The following UBXN2B variants were observed in gnomAD, a reference collection of about 807,000 sequenced individuals.
The protein encoded by UBXN2B is UBX domain-containing protein 2B.
UBXN2B carries 19 observed loss-of-function variants against 37.5 expected under a neutral mutation model. That is an observed-to-expected ratio of 0.51 (90% CI 0.35 to 0.74). The LOEUF is 0.74. Among genes scored for constraint, UBXN2B ranks in the 30% least tolerant of loss-of-function variants. UBXN2B has a pLI of 0.01. For missense variants in UBXN2B, 370 were observed against 393.2 expected (o/e 0.94, Z 0.50); for synonymous variants, 145 against 143.8 (o/e 1.01, Z -0.06).
rs774857176 is a variant in UBXN2B at position 58,430,637 on chromosome 8, G to A, written c.307G>A (p.Ala103Thr). ...ACATGGGGCTGTCCCTCTGAATGAA[G>A]CCACAAGAGCTTCAGGTGATGATAA... ...REHGAVPLNEATRASGDDKSK... is the reference protein window; with the variant it reads ...REHGAVPLNETTRASGDDKSK... Residue 103 changes from alanine to threonine, a missense_variant, in exon 3 of 8, where the codon GCC becomes ACC. Physicochemically the swap from Ala to Thr is moderately conservative, Grantham distance 58 (BLOSUM62 0). Coordinates refer to ENST00000399598, the MANE Select transcript of UBXN2B (RefSeq NM_001077619.2). 7.6e-6 allele frequency: 12 copies of A among 1,587,232 alleles called. No individual in the cohort carries two copies. Among genetic ancestry groups the A allele is most frequent in the Non-Finnish European group, 1.0e-5 (12 of 1,165,940 alleles).
At chr8:58,446,779 A>ATTT (rs869090698) in intron 7 of UBXN2B, among the ~76,000 whole-genome samples, 309 of 17,396 alleles carry the variant, frequency 0.018, 132 homozygotes, top group African/African-American at 0.03. Flanking sequence ...TACAACCTGC[A>ATTT]TTTTTTTTTT....
At chr8:58,431,209 T>G (rs1215378874) in intron 3 of UBXN2B, among the ~76,000 whole-genome samples, 3 of 152,136 alleles carry the variant, frequency 2.0e-5, no homozygotes, top group Non-Finnish European at 4.4e-5. Flanking sequence ...ACCAGCCGGG[T>G]GTGGTGGCTC....
chr8:58,437,086 C>G (rs889663442), intron 5 of UBXN2B, among the ~76,000 whole-genome samples: 9 of 152,072 alleles, frequency 5.9e-5, no homozygotes, highest in Admixed American at 5.2e-4. Context: ...AAATTTGGTA[C>G]TTCTTAGAGA....
At chr8:58,435,028 C>G in intron 5 of UBXN2B, 6 of 1,481,438 alleles carry the variant, frequency 4.1e-6, no homozygotes, top group Non-Finnish European at 5.4e-6. Context: ...TGTAACTTAC[C>G]AGCTCTTCTT....
intron 2 of UBXN2B, chr8:58,426,435 C>G (rs1808092452): frequency 3.2e-6 from 2 of 626,734 alleles, no homozygotes; most frequent in Non-Finnish European, 5.9e-6. Flanking sequence ...GTCTCAATCT[C>G]CTGACTTTGT....
chr8:58,436,664 G>A (rs1019171507), intron 5 of UBXN2B, among the ~76,000 whole-genome samples: 1 of 152,192 alleles, frequency 6.6e-6, no homozygotes, highest in African/African-American at 2.4e-5. Flanking sequence ...CATCCCCATG[G>A]TAATGAATGA....
chr8:58,446,361 A>G (rs1027814909), intron 7 of UBXN2B, among the ~76,000 whole-genome samples: 2 of 152,234 alleles, frequency 1.3e-5, no homozygotes, highest in Non-Finnish European at 2.9e-5. Flanking sequence ...AACTATATGA[A>G]GTCGAATCAG....
intron 1 of UBXN2B, among the ~76,000 whole-genome samples, chr8:58,414,741 T>G (rs1030012305): frequency 6.6e-6 from 1 of 152,124 alleles, no homozygotes; most frequent in African/African-American, 2.4e-5. Context: ...ATTACTCATT[T>G]TCTTCTAAGT....
At chr8:58,429,959 A>G (rs985562514) in intron 2 of UBXN2B, among the ~76,000 whole-genome samples, 5 of 152,246 alleles carry the variant, frequency 3.3e-5, no homozygotes, top group African/African-American at 1.2e-4. Flanking sequence ...TTGGTCGCCA[A>G]AAAATTACTG....
At chr8:58,437,181 A>C (rs1437509147) in intron 5 of UBXN2B, among the ~76,000 whole-genome samples, 1 of 152,128 alleles carries the variant, frequency 6.6e-6, no homozygotes, top group Non-Finnish European at 1.5e-5. Context: ...GAAATGAGGA[A>C]GTTATTGGGA....
chr8:58,446,105 A>G (rs747140993), intron 7 of UBXN2B, 37 bp downstream of exon 7: 17 of 1,564,388 alleles, frequency 1.1e-5, no homozygotes, highest in Non-Finnish European at 1.3e-5. Context: ...GTTTGCTGTT[A>G]TATACACTGG....
intron 1 of UBXN2B, among the ~76,000 whole-genome samples, chr8:58,416,395 A>T (rs1807784508): frequency 6.6e-6 from 1 of 152,240 alleles, no homozygotes; most frequent in Middle Eastern, 3.4e-3. Context: ...AGTTTGGTAG[A>T]CTTTTAAATA....
At chr8:58,424,085 A>C (rs1808007708) in intron 2 of UBXN2B, among the ~76,000 whole-genome samples, 1 of 152,154 alleles carries the variant, frequency 6.6e-6, no homozygotes, top group Admixed American at 6.5e-5. Context: ...AAGCCATCAA[A>C]ATGAATTATC....
chr8:58,413,545 A>G (rs371701339), intron 1 of UBXN2B, among the ~76,000 whole-genome samples: 1 of 152,146 alleles, frequency 6.6e-6, no homozygotes, highest in African/African-American at 2.4e-5. Context: ...AGCTTGCTCT[A>G]AGAGTCTTTC....
intron 1 of UBXN2B, among the ~76,000 whole-genome samples, chr8:58,413,761 G>A (rs559089483): frequency 6.6e-5 from 10 of 152,162 alleles, no homozygotes; most frequent in South Asian, 2.1e-4. Flanking sequence ...CTGCAGACTC[G>A]GAAATGTTTT....
intron 2 of UBXN2B, chr8:58,426,681 G>A: frequency 1.4e-6 from 1 of 727,214 alleles, no homozygotes; most frequent in Non-Finnish European, 2.6e-6. Flanking sequence ...TCTCTACAAT[G>A]TCATGTTCCT....
chr8:58,412,759 C>T (rs1807670001), intron 1 of UBXN2B, among the ~76,000 whole-genome samples: 1 of 152,168 alleles, frequency 6.6e-6, no homozygotes, highest in South Asian at 2.1e-4. Context: ...CCTGTCTGAT[C>T]CTGTGTCTTC....
At chr8:58,429,872 A>G (rs1808200313) in intron 2 of UBXN2B, among the ~76,000 whole-genome samples, 2 of 152,240 alleles carry the variant, frequency 1.3e-5, no homozygotes, top group African/African-American at 2.4e-5. Flanking sequence ...GAAAGATAAA[A>G]GTAGGTTATT....
chr8:58,423,186 C>T (rs1409054377), intron 2 of UBXN2B, among the ~76,000 whole-genome samples: 1 of 152,190 alleles, frequency 6.6e-6, no homozygotes, highest in Admixed American at 6.5e-5. Flanking sequence ...GGCCTGGCCA[C>T]TTCTGCTTTT....
Sources: allele counts gnomAD v4.1 joint callset (sites outside exome capture counted in the v4.1 genomes callset), GRCh38; gene constraint gnomAD v4.1.1; transcripts MANE v1.5; gene names NCBI Gene and HGNC (gene_info 2026-07-23, HGNC 2026-07-21).